CADM2: variants seen among roughly 807,000 people sequenced by gnomAD.
CADM2 encodes cell adhesion molecule 2.
In CADM2, 12 loss-of-function variants were observed where a neutral mutation model predicts 49.8. That is an observed-to-expected ratio of 0.24 (90% CI 0.15 to 0.39). The LOEUF is 0.39. CADM2 is among the 10% of genes least tolerant of loss of function. The probability of loss-of-function intolerance (pLI) is 1.00; values close to 1 mark genes in which losing one functional copy is unlikely to be tolerated. For synonymous variants in CADM2, 214 were observed against 175.4 expected (o/e 1.22, Z -1.74); for missense variants, 378 against 492.3 (o/e 0.77, Z 2.20).
intron 3 of CADM2, among the ~76,000 whole-genome samples, chr3:85,816,798 T>C (rs1342421137): frequency 6.6e-6 from 1 of 152,146 alleles, no homozygotes; most frequent in Non-Finnish European, 1.5e-5. Flanking sequence ...AATATTAAAT[T>C]ATGAATTTAT....
chr3:85,591,058 C>T (rs1450591906), intron 1 of CADM2, among the ~76,000 whole-genome samples: 1 of 151,896 alleles, frequency 6.6e-6, no homozygotes, highest in Non-Finnish European at 1.5e-5. Flanking sequence ...AGTGCTATCA[C>T]TGGTCTTGCC....
intron 3 of CADM2, among the ~76,000 whole-genome samples, chr3:85,849,725 T>C (rs2075020762): frequency 6.6e-6 from 1 of 152,210 alleles, no homozygotes; most frequent in Non-Finnish European, 1.5e-5. Flanking sequence ...TTTGTTTGTT[T>C]TTCTTCTTAT....
chr3:86,027,932 T>C (rs1042901280), intron 8 of CADM2: 1 of 151,470 alleles, frequency 6.6e-6, no homozygotes, highest in Non-Finnish European at 1.5e-5. Flanking sequence ...ATCTGTATTG[T>C]CACATTACTT....
At chr3:85,594,977 C>A (rs1006480884) in intron 1 of CADM2, among the ~76,000 whole-genome samples, 3 of 151,988 alleles carry the variant, frequency 2.0e-5, no homozygotes, top group African/African-American at 4.8e-5. Context: ...GACAGCAGCC[C>A]AGCTTTCATT....
intron 1 of CADM2, among the ~76,000 whole-genome samples, chr3:85,134,405 C>T (rs981800648): frequency 6.6e-6 from 1 of 152,216 alleles, no homozygotes; most frequent in Non-Finnish European, 1.5e-5. Context: ...GTGGGGACTG[C>T]CAGCACGCTG....
At chr3:85,965,413 G>C (rs1202104784) in intron 8 of CADM2, among the ~76,000 whole-genome samples, 2 of 150,826 alleles carry the variant, frequency 1.3e-5, no homozygotes, top group Non-Finnish European at 3.0e-5. Context: ...TAATAAATTA[G>C]ACTATTCTTA....
intron 8 of CADM2, chr3:86,028,057 G>T (rs962738329): frequency 3.3e-5 from 4 of 119,706 alleles, no homozygotes; most frequent in Non-Finnish European, 6.8e-5. Flanking sequence ...GTTGTGGGGT[G>T]GGGGGAGGGG....
intron 1 of CADM2, among the ~76,000 whole-genome samples, chr3:85,106,342 C>A (rs2038225848): frequency 6.6e-6 from 1 of 152,022 alleles, no homozygotes; most frequent in Non-Finnish European, 1.5e-5. Flanking sequence ...CTAATAGTAG[C>A]ACAAAAGGCA....
intron 1 of CADM2, among the ~76,000 whole-genome samples, chr3:85,467,431 A>C (rs949708246): frequency 6.6e-6 from 1 of 152,164 alleles, no homozygotes; most frequent in African/African-American, 2.4e-5. Context: ...AATATTGGAA[A>C]TTTAAGGATG....
chr3:85,206,463 A>ACGCC (rs1559720115), intron 1 of CADM2, among the ~76,000 whole-genome samples: 1 of 151,496 alleles, frequency 6.6e-6, no homozygotes, highest in African/African-American at 2.4e-5. Context: ...GCCCGTCACC[A>ACGCC]CGCCCGGCTA....
At chr3:85,291,244 A>T (rs1202594113) in intron 1 of CADM2, among the ~76,000 whole-genome samples, 2 of 152,034 alleles carry the variant, frequency 1.3e-5, no homozygotes, top group African/African-American at 2.4e-5. Context: ...GAGAAAAAAG[A>T]ATAAAAAGAA....
chr3:85,703,127 A>G (rs1330357105), intron 1 of CADM2, among the ~76,000 whole-genome samples: 1 of 152,210 alleles, frequency 6.6e-6, no homozygotes, highest in East Asian at 1.9e-4. Context: ...AATATAAAAT[A>G]TTGAGATTAT....
At chr3:85,571,579 A>G (rs942448905) in intron 1 of CADM2, among the ~76,000 whole-genome samples, 11 of 152,228 alleles carry the variant, frequency 7.2e-5, no homozygotes, top group African/African-American at 2.7e-4. Flanking sequence ...CTGTATTATT[A>G]ATGAACATTA....
intron 1 of CADM2, among the ~76,000 whole-genome samples, chr3:85,308,310 T>TACACACACACACACACACACAC (rs10662960): frequency 1.2e-4 from 17 of 143,612 alleles, no homozygotes; most frequent in African/African-American, 3.0e-4. Context: ...TCTACCTCTC[T>TACACACACACACACACACACAC]ACACACACAC....
At chr3:85,931,539 A>C (rs751735758) in intron 6 of CADM2, among the ~76,000 whole-genome samples, 5 of 152,240 alleles carry the variant, frequency 3.3e-5, no homozygotes, top group Non-Finnish European at 7.3e-5. Context: ...CATGGAGGAT[A>C]TATCAACTAC....
intron 8 of CADM2, among the ~76,000 whole-genome samples, chr3:86,062,549 G>A (rs1420461382): frequency 6.6e-6 from 1 of 151,968 alleles, no homozygotes; most frequent in African/African-American, 2.4e-5. Flanking sequence ...AGGCCTAGGT[G>A]GGTGGATTTC....
intron 1 of CADM2, among the ~76,000 whole-genome samples, chr3:84,973,409 A>G (rs2031602637): frequency 6.6e-6 from 1 of 152,116 alleles, no homozygotes; most frequent in South Asian, 2.1e-4. Context: ...GTTTATCCTG[A>G]AAACGTTCTC....
chr3:85,638,992 T>C (rs1235799586), intron 1 of CADM2, among the ~76,000 whole-genome samples: 1 of 152,176 alleles, frequency 6.6e-6, no homozygotes, highest in Non-Finnish European at 1.5e-5. Context: ...TTTATGATTC[T>C]GAAGGTGAAG....
rs1054830650 is a variant in CADM2, at chr3:85,199,474, T to A, written c.61+239806T>A. On this transcript the variant is annotated intron_variant, in intron 1 of 9. Coordinates refer to ENST00000383699, the MANE Select transcript of CADM2 (RefSeq NM_001167675.2). ...ATAATTTTCATTAGTAATTTCAAAATTTTTTTTTTTTAGTTAAACTTACAA... is the reference window on the plus strand; with the variant it reads ...ATAATTTTCATTAGTAATTTCAAAAATTTTTTTTTTTAGTTAAACTTACAA... Among the ~76,000 whole-genome samples the A allele has an allele frequency of 2.0e-5, 3 of 148,186 alleles. No individual in the cohort carries two copies. In the East Asian group the frequency reaches 5.9e-4, roughly 29 times the overall value.
Sources: allele counts gnomAD v4.1 joint callset (sites outside exome capture counted in the v4.1 genomes callset), GRCh38; gene constraint gnomAD v4.1.1; transcripts MANE v1.5; gene names NCBI Gene and HGNC (gene_info 2026-07-23, HGNC 2026-07-21).